HOXD3: variants seen among roughly 807,000 people sequenced by gnomAD.
HOXD3 encodes the protein homeobox protein Hox-D3.
A neutral mutation model predicts 32.8 loss-of-function variants in HOXD3; 13 were observed. The ratio of observed to expected loss-of-function variants is 0.40; its 90% CI spans 0.26 to 0.63. The LOEUF (loss-of-function observed/expected upper bound fraction) is 0.63, where lower values mean the gene tolerates loss of function less well. Among genes scored for constraint, HOXD3 ranks in the 20% least tolerant of loss-of-function variants. HOXD3 has a pLI of 0.44. For synonymous variants in HOXD3, 241 were observed against 246.8 expected (o/e 0.98, Z 0.22); for missense variants, 504 against 577.1 (o/e 0.87, Z 1.30).
intron 2 of HOXD3, 94 bp from the exon 3 acceptor site, chr2:176,168,937 T>C (rs1691082213): frequency 2.3e-6 from 2 of 875,720 alleles, no homozygotes; most frequent in Non-Finnish European, 3.3e-6. Flanking sequence ...CGCCGTGAAG[T>C]GGGTAGGAAG....
At chr2:176,166,371 A>G (rs2113559) in intron 2 of HOXD3, among the ~76,000 whole-genome samples, 117,258 of 152,154 alleles carry the variant, frequency 0.77, 45,996 homozygotes, top group African/African-American at 0.92. Context: ...CAGGAGGGTG[A>G]ATGTTTTGCT....
rs754797172 is a variant in HOXD3 at position 176,172,959 on chromosome 2, G to C, written c.*685G>C. 3 of 152,632 alleles carry C rather than the reference G, an allele frequency of 2.0e-5. No homozygotes were observed. Among genetic ancestry groups the C allele is most frequent in the Admixed American group, 6.5e-5 (1 of 15,270 alleles). The allele number at this position is 152,632 out of a possible 1,614,324, so 9.5% of individuals were successfully genotyped here. ...TTAAGACCGCAAATTGTCCTTCATG[G>C]GTAGAGTCAGGAAGCCCGGTGGCGT... On this transcript the variant is annotated 3_prime_UTR_variant, in exon 4 of 4. Transcript: ENST00000683222.
At chr2:176,171,467 G>C (rs778628861) in intron 3 of HOXD3, 50 bp from the exon 4 acceptor site, 12 of 1,508,888 alleles carry the variant, frequency 8.0e-6, no homozygotes, top group Non-Finnish European at 9.8e-6. Flanking sequence ...CCAGTCCTGA[G>C]GGTCCCCACC....
Position 176,169,588 on chromosome 2 carries a change from G to A in HOXD3, c.474G>A (p.Lys158=), listed in dbSNP as rs371779084. 22 of 1,613,622 alleles carry A rather than the reference G, an allele frequency of 1.4e-5. No individual in the cohort carries two copies. Among genetic ancestry groups the A allele is most frequent in the South Asian group, 6.6e-5 (6 of 91,006 alleles). ...NASSSSATIS[K]QIFPWMKESR... is the part of the protein sequence containing the mutation. ...CTAGCTCCTCAGCCACCATCAGCAAGCAGATCTTCCCCTGGATGAAAGAGT... is the reference window on the plus strand; with the variant it reads ...CTAGCTCCTCAGCCACCATCAGCAAACAGATCTTCCCCTGGATGAAAGAGT... The change falls in exon 3 of 4, where the codon AAG becomes AAA. Residue 158 remains lysine, a synonymous_variant. Transcript: ENST00000683222.
At chr2:176,163,732 T>C (rs1690881226) in intron 1 of HOXD3, among the ~76,000 whole-genome samples, 2 of 152,186 alleles carry the variant, frequency 1.3e-5, no homozygotes, top group African/African-American at 4.8e-5. Flanking sequence ...GCTTCCGGGA[T>C]TGGGACCTGG....
At chr2:176,167,971 C>CA (rs1269618936) in intron 2 of HOXD3, among the ~76,000 whole-genome samples, 1 of 152,104 alleles carries the variant, frequency 6.6e-6, no homozygotes, top group Non-Finnish European at 1.5e-5. Context: ...CTTTTCCACA[C>CA]AGAAGAAAGG....
chr2:176,159,595 T>TGG (rs1220588262), intron 1 of HOXD3, among the ~76,000 whole-genome samples: 1 of 152,214 alleles, frequency 6.6e-6, no homozygotes, highest in Non-Finnish European at 1.5e-5. Flanking sequence ...GGGAGGGTCT[T>TGG]GGGCGCTCAT....
upstream of HOXD3, among the ~76,000 whole-genome samples, chr2:176,154,451 C>T (rs1690604517): frequency 6.6e-6 from 1 of 152,078 alleles, no homozygotes; most frequent in African/African-American, 2.4e-5. Flanking sequence ...AAGGTTGTAG[C>T]TATCAAAAAG....
In HOXD3 at chr2:176,169,567, C is replaced by T. The variant is rs1460306427; in HGVS notation, c.453C>T (p.Ser151=). The T allele has an allele frequency of 2.5e-6, 4 of 1,613,990 alleles. No individual in the cohort carries two copies. Among genetic ancestry groups the T allele is most frequent in the Non-Finnish European group, 3.4e-6 (4 of 1,179,992 alleles). The change falls in exon 3 of 4, where the codon AGC becomes AGT. Residue 151 remains serine, a synonymous_variant. Transcript: ENST00000683222. ...CCAAAGGTGGGCCCAATGCTTCTAG[C>T]TCCTCAGCCACCATCAGCAAGCAGA... The part of the protein sequence containing the change: ...KKPKGGPNAS[S]SSATISKQIF...
chr2:176,155,660 G>A (rs935306914), upstream of HOXD3, among the ~76,000 whole-genome samples: 17 of 152,230 alleles, frequency 1.1e-4, 1 homozygote, highest in African/African-American at 2.4e-5. Context: ...AAGGAAATGG[G>A]TTTCCATCTG....
rs1691231699 is a variant in HOXD3 at position 176,172,501 on chromosome 2, G to A, written c.*227G>A. On this transcript the variant is annotated 3_prime_UTR_variant, in exon 4 of 4. Transcript: ENST00000683222. ...AAATCAGCCGCAAGGATCCTTCCCT[G>A]TAAATTTGACAGTGCCACATACTGC... 3.5e-6 allele frequency: 2 copies of A among 565,706 alleles called. No homozygotes were observed. The highest frequency in any genetic ancestry group is 6.2e-6 in the Non-Finnish European group (2 of 321,296). 35.0% of individuals were successfully genotyped at this position (565,706 alleles called of 1,614,324 possible).
Position 176,172,700 on chromosome 2 carries a change from G to T in HOXD3, c.*426G>T, listed in dbSNP as rs148367105. 393 of 180,348 alleles carry T rather than the reference G, an allele frequency of 2.2e-3. 3 individuals carry two copies. The highest frequency in any genetic ancestry group is 8.6e-3 in the African/African-American group (368 of 42,554). 11.2% of individuals were successfully genotyped at this position (180,348 alleles called of 1,614,324 possible). On this transcript the variant is annotated 3_prime_UTR_variant, in exon 4 of 4. Coordinates refer to ENST00000683222, the MANE Select transcript of HOXD3 (RefSeq NM_006898.5). Reference sequence around the variant, plus strand: ...TTCCTGTGCCGTAAGGATTGCATCGGACTAAACTATCTGTATTTATTATTT... The same window carrying T: ...TTCCTGTGCCGTAAGGATTGCATCGTACTAAACTATCTGTATTTATTATTT...
upstream of HOXD3, among the ~76,000 whole-genome samples, chr2:176,153,706 T>C (rs1010943699): frequency 1.3e-5 from 2 of 152,156 alleles, no homozygotes; most frequent in Admixed American, 6.5e-5. Context: ...GAAATGTATA[T>C]AGGGGGGCCT....
Position 176,169,042 on chromosome 2 carries a change from C to T in HOXD3, c.-73C>T. On this transcript the variant is annotated 5_prime_UTR_variant, in exon 3 of 4. Transcript: ENST00000683222. Reference sequence around the variant, plus strand: ...TTTTCTTCTGACAGGTCACCTGGAGCCTGGGGGCCGGCCCAGCTCTCTCAG... The same window carrying T: ...TTTTCTTCTGACAGGTCACCTGGAGTCTGGGGGCCGGCCCAGCTCTCTCAG... The T allele has an allele frequency of 6.6e-7, 1 of 1,519,624 alleles. No homozygotes were observed. Among genetic ancestry groups the T allele is most frequent in the Non-Finnish European group, 8.8e-7 (1 of 1,135,108 alleles). 94.1% of individuals were successfully genotyped at this position (1,519,624 alleles called of 1,614,324 possible). A position where few individuals can be genotyped will look rare whatever the true frequency, so the allele number is the denominator to read the frequency against.
Position 176,169,581 on chromosome 2 carries a change from T to A in HOXD3, c.467T>A (p.Ile156Asn). The A allele has an allele frequency of 1.2e-6, 2 of 1,613,734 alleles. No individual in the cohort carries two copies. Among genetic ancestry groups the A allele is most frequent in the Non-Finnish European group, 1.7e-6 (2 of 1,179,916 alleles). Residue 156 changes from isoleucine to asparagine, a missense_variant, in exon 3 of 4, where the codon ATC becomes AAC. Ile to Asn is a moderately radical substitution (Grantham distance 149). Around this residue, in one of 3 missense-constraint regions of HOXD3, gnomAD observed 97 missense variants for 158.0 expected, o/e 0.61. Transcript: ENST00000683222. ...GPNASSSSAT[I>N]SKQIFPWMKE... is the part of the protein sequence containing the mutation. ...AATGCTTCTAGCTCCTCAGCCACCA[T>A]CAGCAAGCAGATCTTCCCCTGGATG...
rs1164800340 is a variant in HOXD3, at chr2:176,169,110, A to AGTCAATGTT, written c.-4_5dup. ...AGGTGGCAGTGAAGGATACAGTGGTAGTCAATGTTATTTGAGCAGGGTCAG... is the reference window on the plus strand; with the variant it reads ...AGGTGGCAGTGAAGGATACAGTGGTAGTCAATGTTGTCAATGTTATTTGAGCAGGGTCAG... On this transcript the variant is annotated 5_prime_UTR_variant, in exon 3 of 4. In the 5' UTR this introduces an upstream ATG that the reference lacks. Transcript: ENST00000683222. 1.2e-6 allele frequency: 2 copies of AGTCAATGTT among 1,601,376 alleles called. No homozygotes were observed. The highest frequency in any genetic ancestry group is 1.7e-4 in the Middle Eastern group (1 of 5,994).
upstream of HOXD3, among the ~76,000 whole-genome samples, chr2:176,153,741 G>T (rs1690591340): frequency 6.6e-6 from 1 of 152,112 alleles, no homozygotes; most frequent in South Asian, 2.1e-4. Context: ...GGAAGCAAAG[G>T]ATTCACTCAA....
chr2:176,157,629 T>C (rs1690676517), intron 1 of HOXD3, among the ~76,000 whole-genome samples, 177 bp downstream of exon 1: 2 of 151,930 alleles, frequency 1.3e-5, no homozygotes. Flanking sequence ...TTATGAAAAA[T>C]TACTGAGAGC....
Position 176,172,485 on chromosome 2 carries a change from G to T in HOXD3, c.*211G>T, listed in dbSNP as rs1691231303. 2 of 575,170 alleles carry T rather than the reference G, an allele frequency of 3.5e-6. No homozygotes were observed. Among genetic ancestry groups the T allele is most frequent in the Non-Finnish European group, 6.1e-6 (2 of 326,558 alleles). 35.6% of individuals were successfully genotyped at this position (575,170 alleles called of 1,614,324 possible). A position where few individuals can be genotyped will look rare whatever the true frequency, so the allele number is the denominator to read the frequency against. On this transcript the variant is annotated 3_prime_UTR_variant, in exon 4 of 4. Coordinates refer to ENST00000683222, the MANE Select transcript of HOXD3 (RefSeq NM_006898.5). ...TTGGGTGACTCGCCATAAATCAGCC[G>T]CAAGGATCCTTCCCTGTAAATTTGA... is the stretch of plus-strand genomic sequence containing the variant.
Sources: allele counts gnomAD v4.1 joint callset (sites outside exome capture counted in the v4.1 genomes callset), GRCh38; gene constraint gnomAD v4.1.1; regional missense constraint gnomAD v4.1.1; transcripts MANE v1.5; gene names NCBI Gene and HGNC (gene_info 2026-07-23, HGNC 2026-07-21).